Variants in CSMD1 observed in about 807,000 individuals in gnomAD.
CSMD1 encodes CUB and sushi domain-containing protein 1.
A neutral mutation model predicts 417.5 loss-of-function variants in CSMD1; 213 were observed. The observed-to-expected ratio is 0.51, with a 90% CI of 0.46 to 0.57. The LOEUF (loss-of-function observed/expected upper bound fraction) is 0.57, where lower values mean the gene tolerates loss of function less well. Ranked by LOEUF, CSMD1 falls within the 20% of genes least tolerant of loss-of-function variation. The pLI, the probability that CSMD1 is intolerant of heterozygous loss-of-function variation, is 0.00. For synonymous variants in CSMD1, 2,862 were observed against 1,736.8 expected (o/e 1.65, Z -16.11); for missense variants, 6,923 against 4,529.7 (o/e 1.53, Z -15.17).
chr8:4,662,851 A>C (rs946442948), intron 1 of CSMD1, among the ~76,000 whole-genome samples: 1 of 152,198 alleles, frequency 6.6e-6, no homozygotes, highest in Non-Finnish European at 1.5e-5. Flanking sequence ...GACACTTGTC[A>C]TGGTGTGGAA....
chr8:4,026,665 A>G (rs964801218), intron 4 of CSMD1, among the ~76,000 whole-genome samples: 2 of 152,248 alleles, frequency 1.3e-5, no homozygotes, highest in Non-Finnish European at 2.9e-5. Flanking sequence ...TTAAGATATT[A>G]TGTCAAAATA....
intron 68 of CSMD1, among the ~76,000 whole-genome samples, chr8:2,946,962 T>C (rs1802284303): frequency 6.6e-6 from 1 of 152,208 alleles, no homozygotes; most frequent in Non-Finnish European, 1.5e-5. Context: ...GATTTGCATT[T>C]CCCTGATAAT....
chr8:4,025,281 C>T (rs571013196), intron 4 of CSMD1, among the ~76,000 whole-genome samples: 1 of 152,228 alleles, frequency 6.6e-6, no homozygotes, highest in African/African-American at 2.4e-5. Flanking sequence ...CTTGTATGCC[C>T]CTATCCAAAA....
At chr8:3,497,242 G>C (rs1346138828) in intron 10 of CSMD1, among the ~76,000 whole-genome samples, 3 of 152,210 alleles carry the variant, frequency 2.0e-5, no homozygotes, top group Non-Finnish European at 4.4e-5. Context: ...GAGAGTAGCA[G>C]GATGTTCAAG....
intron 1 of CSMD1, among the ~76,000 whole-genome samples, chr8:4,644,286 C>G (rs536008367): frequency 2.3e-4 from 35 of 152,250 alleles, no homozygotes; most frequent in African/African-American, 8.2e-4. Context: ...TCCAGCTACC[C>G]GAAATGAGCT....
chr8:4,341,085 TGA>T (rs1800451205), intron 3 of CSMD1, among the ~76,000 whole-genome samples: 1 of 152,074 alleles, frequency 6.6e-6, no homozygotes, highest in Admixed American at 6.6e-5. Context: ...GAAAGAATAG[TGA>T]GAGAATAGAG....
chr8:3,187,610 C>A (rs1219519870), intron 36 of CSMD1, among the ~76,000 whole-genome samples: 2 of 152,150 alleles, frequency 1.3e-5, no homozygotes, highest in Non-Finnish European at 2.9e-5. Flanking sequence ...TGCTGCCAGC[C>A]TGAGACCTGC....
intron 5 of CSMD1, among the ~76,000 whole-genome samples, chr8:3,840,926 C>G (rs145723667): frequency 2.0e-5 from 3 of 151,896 alleles, no homozygotes; most frequent in Admixed American, 1.3e-4. Context: ...AGGCTGGTCT[C>G]GAACTCCTGA....
At chr8:4,113,456 C>T (rs2081355) in intron 3 of CSMD1, among the ~76,000 whole-genome samples, 1 of 146,892 alleles carries the variant, frequency 6.8e-6, no homozygotes, top group Non-Finnish European at 1.5e-5. Context: ...GCAGGCTGGA[C>T]TGCAATGGTG....
chr8:4,255,629 C>T (rs1803401715), intron 3 of CSMD1, among the ~76,000 whole-genome samples: 1 of 152,166 alleles, frequency 6.6e-6, no homozygotes, highest in Admixed American at 6.5e-5. Context: ...TCAGCAACAA[C>T]CTCGCACTGC....
chr8:4,457,649 G>A (rs138545914), intron 2 of CSMD1, among the ~76,000 whole-genome samples: 1 of 152,044 alleles, frequency 6.6e-6, no homozygotes, highest in Non-Finnish European at 1.5e-5. Flanking sequence ...TTTTCAAATA[G>A]CATGATGTTA....
intron 3 of CSMD1, among the ~76,000 whole-genome samples, chr8:4,038,008 T>C (rs1437709744): frequency 6.6e-6 from 1 of 152,178 alleles, no homozygotes; most frequent in African/African-American, 2.4e-5. Context: ...AGTCACTTTA[T>C]TCCCACACTT....
At chr8:4,934,665 C>A (rs1407826349) in intron 1 of CSMD1, among the ~76,000 whole-genome samples, 6 of 151,942 alleles carry the variant, frequency 3.9e-5, no homozygotes, top group Admixed American at 3.9e-4. Flanking sequence ...CAATTATTGA[C>A]CTATCATCTA....
At chr8:4,751,505 G>A (rs538156322) in intron 1 of CSMD1, among the ~76,000 whole-genome samples, 7 of 152,112 alleles carry the variant, frequency 4.6e-5, no homozygotes, top group Admixed American at 1.3e-4. Context: ...GGAATCATGA[G>A]CTAGATAACT....
At chr8:4,032,279 G>A (rs1401525914) in intron 3 of CSMD1, among the ~76,000 whole-genome samples, 180 bp from the exon 4 acceptor site, 2 of 152,184 alleles carry the variant, frequency 1.3e-5, no homozygotes, top group African/African-American at 4.8e-5. Context: ...TAGAATATCT[G>A]CAGTATAACA....
intron 7 of CSMD1, among the ~76,000 whole-genome samples, chr8:3,626,913 T>C (rs1208766643): frequency 6.6e-6 from 1 of 150,672 alleles, no homozygotes; most frequent in Non-Finnish European, 1.5e-5. Flanking sequence ...ATATTAAGGC[T>C]TTATTAAATA....
intron 1 of CSMD1, among the ~76,000 whole-genome samples, chr8:4,987,795 C>T (rs1253210267): frequency 3.9e-5 from 6 of 152,148 alleles, no homozygotes. Flanking sequence ...AAAAGAAAGC[C>T]CACATGCTGA....
intron 1 of CSMD1, among the ~76,000 whole-genome samples, chr8:4,703,118 A>G (rs1439655977): frequency 1.3e-5 from 2 of 152,238 alleles, no homozygotes; most frequent in African/African-American, 4.8e-5. Flanking sequence ...ATTATATAAT[A>G]TTTAATTAGA....
At chr8:3,285,995 G>T (rs1054997112) in intron 25 of CSMD1, among the ~76,000 whole-genome samples, 1 of 151,976 alleles carries the variant, frequency 6.6e-6, no homozygotes, top group Admixed American at 6.6e-5. Flanking sequence ...TCCCACAACA[G>T]GCCCCAGTGT....
Sources: gnomAD v4.1 joint callset for allele counts (sites outside exome capture counted in the v4.1 genomes callset) on GRCh38, gnomAD v4.1.1 for gene constraint, MANE v1.5 for transcripts, NCBI Gene and HGNC (gene_info 2026-07-23, HGNC 2026-07-21) for gene names.